PLXDC2: variants seen among roughly 807,000 people sequenced by gnomAD.
PLXDC2 encodes the protein plexin domain-containing protein 2.
Under a neutral mutation model 68.9 loss-of-function variants are expected in PLXDC2, and 40 were observed. That is an observed-to-expected ratio of 0.58 (90% confidence interval 0.45 to 0.76). The LOEUF is 0.76. Among genes scored for constraint, PLXDC2 ranks in the 30% least tolerant of loss-of-function variants. PLXDC2 has a pLI of 0.00. For missense variants in PLXDC2, 644 were observed against 661.9 expected, an observed-to-expected ratio of 0.97 and a Z score of 0.30; for synonymous variants, 243 against 234.2, an observed-to-expected ratio of 1.04 and a Z score of -0.34.
At chr10:20,224,007 CTTTG>C (rs1835253623) in intron 12 of PLXDC2, among the ~76,000 whole-genome samples, 2 of 141,552 alleles carry the variant, frequency 1.4e-5, no homozygotes, top group Non-Finnish European at 3.0e-5. Context: ...TAGGGTCTCA[CTTTG>C]TCCCCCAGGC....
At chr10:20,225,504 G>A (rs551128513) in intron 12 of PLXDC2, among the ~76,000 whole-genome samples, 4 of 152,112 alleles carry the variant, frequency 2.6e-5, no homozygotes, top group African/African-American at 9.6e-5. Flanking sequence ...TTGACATTTA[G>A]TTTTATGTTT....
At chr10:20,044,950 G>A (rs181206763) in intron 2 of PLXDC2, among the ~76,000 whole-genome samples, 25 of 152,222 alleles carry the variant, frequency 1.6e-4, no homozygotes, top group Non-Finnish European at 2.6e-4. Flanking sequence ...TTCACAGTGT[G>A]TTTTACCCTC....
At chr10:20,021,713 T>G (rs191966917) in intron 2 of PLXDC2, among the ~76,000 whole-genome samples, 4 of 138,598 alleles carry the variant, frequency 2.9e-5, no homozygotes. Flanking sequence ...TATTTTTATT[T>G]TTTTGAGATG....
chr10:20,067,637 G>A (rs1420169322), intron 3 of PLXDC2, among the ~76,000 whole-genome samples: 2 of 149,974 alleles, frequency 1.3e-5, no homozygotes, highest in Non-Finnish European at 1.5e-5. Flanking sequence ...TCAGTGAGCC[G>A]AGATTGCGTC....
chr10:20,014,314 C>T (rs1263721267), intron 2 of PLXDC2, among the ~76,000 whole-genome samples: 6 of 131,144 alleles, frequency 4.6e-5, no homozygotes, highest in African/African-American at 1.7e-4. Context: ...CCTCGCCCCA[C>T]TTTCCTTCCT....
chr10:19,844,620 A>G (rs168003), intron 1 of PLXDC2, among the ~76,000 whole-genome samples: 12,686 of 142,542 alleles, frequency 0.089, 936 homozygotes, highest in East Asian at 0.28. Context: ...TTTCTTTTTG[A>G]GGTAGGGCTC....
chr10:20,256,714 CA>C (rs1214746803), intron 13 of PLXDC2, among the ~76,000 whole-genome samples: 7 of 150,942 alleles, frequency 4.6e-5, no homozygotes, highest in African/African-American at 1.5e-4. Flanking sequence ...TGAAATATCT[CA>C]CTGTGATCCA....
chr10:20,004,539 GA>G (rs957524008), intron 2 of PLXDC2, among the ~76,000 whole-genome samples: 11 of 152,060 alleles, frequency 7.2e-5, no homozygotes, highest in African/African-American at 2.7e-4. Flanking sequence ...GATGGATATT[GA>G]AAGGGAAAAA....
intron 4 of PLXDC2, among the ~76,000 whole-genome samples, chr10:20,089,279 T>C (rs1833245415): frequency 1.3e-5 from 2 of 151,968 alleles, no homozygotes; most frequent in South Asian, 4.2e-4. Flanking sequence ...CAATTTCCAA[T>C]GTATGAGTCA....
intron 1 of PLXDC2, among the ~76,000 whole-genome samples, chr10:19,858,761 A>G (rs1224790634): frequency 1.3e-5 from 2 of 152,146 alleles, no homozygotes; most frequent in African/African-American, 2.4e-5. Flanking sequence ...AGGTTTCATA[A>G]TGGCACTAGA....
intron 9 of PLXDC2, among the ~76,000 whole-genome samples, chr10:20,193,421 T>C (rs1834795220): frequency 6.6e-6 from 1 of 152,082 alleles, no homozygotes; most frequent in Non-Finnish European, 1.5e-5. Context: ...ATAAACACTT[T>C]TAATGAGTAT....
intron 3 of PLXDC2, among the ~76,000 whole-genome samples, chr10:20,059,734 A>C (rs185919038): frequency 8.5e-5 from 13 of 152,248 alleles, no homozygotes; most frequent in Non-Finnish European, 1.8e-4. Flanking sequence ...TTAATGACCT[A>C]TGTCTGTCAA....
At chr10:20,049,714 A>G (rs748456314) in intron 3 of PLXDC2, among the ~76,000 whole-genome samples, 2 of 152,144 alleles carry the variant, frequency 1.3e-5, no homozygotes, top group Non-Finnish European at 2.9e-5. Flanking sequence ...CAGAGAAGAC[A>G]CAAACAAATG....
intron 1 of PLXDC2, among the ~76,000 whole-genome samples, chr10:19,851,551 T>C (rs1837118368): frequency 6.6e-6 from 1 of 152,138 alleles, no homozygotes; most frequent in Non-Finnish European, 1.5e-5. Flanking sequence ...TTTATTTTTA[T>C]TTTTATGTTT....
At chr10:19,872,307 G>T (rs1050156194) in intron 1 of PLXDC2, among the ~76,000 whole-genome samples, 1 of 152,180 alleles carries the variant, frequency 6.6e-6, no homozygotes, top group East Asian at 1.9e-4. Context: ...CTCAAAGCAG[G>T]ATTGAAAAGT....
chr10:20,261,513 G>C (rs1835808109), intron 13 of PLXDC2, among the ~76,000 whole-genome samples: 1 of 152,100 alleles, frequency 6.6e-6, no homozygotes, highest in Admixed American at 6.6e-5. Flanking sequence ...ACAAAAATGA[G>C]CAAAAGAAAA....
chr10:19,883,884 CTTTTTTTTTTTT>C (rs397846779), intron 1 of PLXDC2, among the ~76,000 whole-genome samples: 4 of 55,106 alleles, frequency 7.3e-5, no homozygotes, highest in Middle Eastern at 0.011. Flanking sequence ...TCCCTTTAAA[CTTTTTTTTTTTT>C]TTTTTTTTTT....
At chr10:20,273,343 A>T (rs528607366) in intron 13 of PLXDC2, among the ~76,000 whole-genome samples, 3 of 152,144 alleles carry the variant, frequency 2.0e-5, no homozygotes, top group South Asian at 2.1e-4. Flanking sequence ...GTTCCTTTAT[A>T]GCCATTATTA....
At position 20,284,234 on chromosome 10, in the gene PLXDC2, T is replaced by C. The variant is rs1380844812; in HGVS notation, c.*4415T>C. ...TACTTCACGACCTCCAACCCCACTT[T>C]TGTTATCAGCGTCATATGCCAGAGT... On this transcript the variant is annotated 3_prime_UTR_variant, in exon 14 of 14. Coordinates refer to ENST00000377252, the MANE Select transcript of PLXDC2 (RefSeq NM_032812.9). The C allele has an allele frequency of 6.6e-6, 1 of 151,276 alleles. No homozygotes were observed. The highest frequency in any genetic ancestry group is 1.5e-5 in the Non-Finnish European group (1 of 67,894). The allele number at this position is 151,276 out of a possible 1,614,324, so 9.4% of individuals were successfully genotyped here.
Sources: allele counts gnomAD v4.1 joint callset (sites outside exome capture counted in the v4.1 genomes callset), GRCh38; gene constraint gnomAD v4.1.1; transcripts MANE v1.5; gene names NCBI Gene and HGNC (gene_info 2026-07-23, HGNC 2026-07-21).